Variants in TMCO4 observed in about 807,000 individuals in gnomAD.
The protein encoded by TMCO4 is transmembrane and coiled-coil domains 4.
A neutral mutation model predicts 64.7 loss-of-function variants in TMCO4; 58 were observed. That is an observed-to-expected ratio of 0.90 (90% CI 0.73 to 1.12). TMCO4 has a LOEUF of 1.12. TMCO4 is among the 50% of genes most tolerant of loss of function. The probability of loss-of-function intolerance (pLI) is 0.00; values close to 1 mark genes in which losing one functional copy is unlikely to be tolerated. For synonymous variants in TMCO4, 325 were observed against 346.1 expected (o/e 0.94, Z 0.68); for missense variants, 780 against 825.9 (o/e 0.94, Z 0.68).
intron 3 of TMCO4, among the ~76,000 whole-genome samples, chr1:19,781,574 G>A (rs147494445): frequency 7.2e-4 from 109 of 151,090 alleles, no homozygotes; most frequent in African/African-American, 2.6e-3. Context: ...TCACCTATCA[G>A]AATAGCTAAA....
intron 13 of TMCO4, 46 bp downstream of exon 13, chr1:19,737,326 A>G: frequency 1.4e-6 from 2 of 1,430,894 alleles, no homozygotes; most frequent in Non-Finnish European, 9.8e-7. Context: ...GTCCCTGGGA[A>G]CAAGCTTGTG....
At chr1:19,699,659 T>C (rs111741287) in intron 14 of TMCO4, among the ~76,000 whole-genome samples, 7 of 152,084 alleles carry the variant, frequency 4.6e-5, no homozygotes, top group African/African-American at 1.7e-4. Context: ...GTTCAAGTGA[T>C]TGTCCTGCCT....
At chr1:19,737,254 T>G (rs2095458871) in intron 13 of TMCO4, 118 bp downstream of exon 13, 6 of 1,012,766 alleles carry the variant, frequency 5.9e-6, no homozygotes, top group African/African-American at 1.6e-5. Context: ...AACTTTTAAC[T>G]ATTATTTCTA....
chr1:19,740,641 C>G (rs568035567), intron 11 of TMCO4, 136 bp downstream of exon 11: 1 of 1,005,370 alleles, frequency 9.9e-7, no homozygotes, highest in Admixed American at 2.4e-5. Flanking sequence ...AGGAATGCGG[C>G]CTTAACCTCT....
intron 13 of TMCO4, among the ~76,000 whole-genome samples, chr1:19,708,040 C>T (rs1317310373): frequency 4.6e-5 from 7 of 152,086 alleles, no homozygotes; most frequent in South Asian, 2.1e-4. Context: ...GGGATTACAA[C>T]GCCACATGAG....
intron 10 of TMCO4, 56 bp from the exon 11 acceptor site, chr1:19,740,997 C>A (rs948707164): frequency 2.0e-6 from 3 of 1,503,430 alleles, no homozygotes; most frequent in African/African-American, 1.4e-5. Context: ...GGATGCCCCA[C>A]CCCAGTACCC....
chr1:19,713,943 A>C (rs2095343683), intron 13 of TMCO4, among the ~76,000 whole-genome samples: 2 of 151,572 alleles, frequency 1.3e-5, no homozygotes, highest in Non-Finnish European at 2.9e-5. Flanking sequence ...CATTATTATT[A>C]TTATTATTTT....
In TMCO4 at chr1:19,735,461, C is replaced by A. The variant is rs933911878; in HGVS notation, c.1264+1911G>T. Among the ~76,000 whole-genome samples the A allele has an allele frequency of 2.0e-5, 3 of 152,114 alleles. No homozygotes were observed. In the East Asian group the frequency reaches 5.8e-4, roughly 29 times the overall value. On this transcript the variant is annotated intron_variant, in intron 13 of 15. Coordinates refer to ENST00000294543, the MANE Select transcript of TMCO4 (RefSeq NM_181719.7). ...CATGAGGATCCAGGGGTGGGAGCAG[C>A]GAGCAGGAAAGATGCTGGAAGGAAG...
chr1:19,762,003 C>A (rs1010497956), intron 6 of TMCO4, among the ~76,000 whole-genome samples: 5 of 152,220 alleles, frequency 3.3e-5, no homozygotes, highest in Non-Finnish European at 7.3e-5. Flanking sequence ...GAGGTTGTCA[C>A]TATGATGCCG....
intron 7 of TMCO4, 69 bp from the exon 8 acceptor site, chr1:19,747,329 CAACCCTCA>C (rs1366100587): frequency 7.3e-7 from 1 of 1,368,802 alleles, no homozygotes; most frequent in Non-Finnish European, 1.0e-6. Flanking sequence ...CCCACCACAC[CAACCCTCA>C]AACAGGGGCC....
intron 14 of TMCO4, among the ~76,000 whole-genome samples, chr1:19,696,588 A>T (rs999296427): frequency 1.2e-4 from 17 of 139,878 alleles, no homozygotes; most frequent in African/African-American, 1.8e-4. Context: ...AAAAAAAATT[A>T]AAAAAAAAAA....
chr1:19,740,580 T>C (rs1317839970), intron 11 of TMCO4, among the ~76,000 whole-genome samples, 197 bp downstream of exon 11: 1 of 152,232 alleles, frequency 6.6e-6, no homozygotes, highest in Non-Finnish European at 1.5e-5. Context: ...GATCATGTGA[T>C]TGGCTGTTTA....
intron 6 of TMCO4, among the ~76,000 whole-genome samples, chr1:19,765,377 A>T (rs2042686618): frequency 1.3e-5 from 2 of 152,150 alleles, no homozygotes; most frequent in African/African-American, 4.8e-5. Flanking sequence ...AAGATTACCA[A>T]ATGCAAGTAA....
intron 12 of TMCO4, among the ~76,000 whole-genome samples, chr1:19,738,733 T>A (rs1159428306): frequency 6.6e-6 from 1 of 152,224 alleles, no homozygotes; most frequent in Admixed American, 6.5e-5. Context: ...GCAGTTTAGC[T>A]GCATGGCAGA....
intron 6 of TMCO4, 145 bp downstream of exon 6, chr1:19,770,397 C>T: frequency 1.2e-6 from 1 of 815,120 alleles, no homozygotes; most frequent in African/African-American, 1.7e-5. Flanking sequence ...CTCACCAGCT[C>T]ACCAATGACA....
chr1:19,761,680 C>A (rs541318404), intron 6 of TMCO4, among the ~76,000 whole-genome samples: 1 of 152,254 alleles, frequency 6.6e-6, no homozygotes, highest in Admixed American at 6.5e-5. Flanking sequence ...GGAATTACAG[C>A]TTCCTCGGTC....
At chr1:19,704,138 T>A (rs2095289922) in intron 13 of TMCO4, among the ~76,000 whole-genome samples, 1 of 152,194 alleles carries the variant, frequency 6.6e-6, no homozygotes, top group African/African-American at 2.4e-5. Context: ...GCTCTCTGAG[T>A]TCCCCTCTGG....
chr1:19,701,151 C>G, intron 13 of TMCO4: 1 of 280,516 alleles, frequency 3.6e-6, no homozygotes, highest in Non-Finnish European at 6.6e-6. Flanking sequence ...ATCATTACAC[C>G]ATTTTATCTA....
At chr1:19,692,337 GT>G (rs1382736530) in intron 15 of TMCO4, among the ~76,000 whole-genome samples, 1 of 152,110 alleles carries the variant, frequency 6.6e-6, no homozygotes, top group Non-Finnish European at 1.5e-5. Context: ...TCAGACCTGG[GT>G]TTGAGTCCTG....
Sources: allele counts gnomAD v4.1 joint callset (sites outside exome capture counted in the v4.1 genomes callset), GRCh38; gene constraint gnomAD v4.1.1; transcripts MANE v1.5; gene names NCBI Gene and HGNC (gene_info 2026-07-23, HGNC 2026-07-21).